The following LARS1 variants were observed in gnomAD, a reference collection of about 807,000 sequenced individuals.
The protein encoded by LARS1 is leucine--tRNA ligase, cytoplasmic.
A neutral mutation model predicts 162.8 loss-of-function variants in LARS1; 100 were observed. The observed-to-expected ratio is 0.61, with a 90% CI of 0.52 to 0.73. LARS1 has a LOEUF of 0.73. Among genes scored for constraint, LARS1 ranks in the 30% least tolerant of loss-of-function variants. LARS1 has a pLI of 0.00. For synonymous variants in LARS1, 457 were observed against 462.8 expected (o/e 0.99, Z 0.16); for missense variants, 1,258 against 1,408.9 (o/e 0.89, Z 1.71).
intron 5 of LARS1, among the ~76,000 whole-genome samples, chr5:146,166,012 A>G (rs988505580): frequency 2.0e-5 from 3 of 152,218 alleles, no homozygotes; most frequent in African/African-American, 4.8e-5. Flanking sequence ...ATAAAGAAAT[A>G]AAAACAGATG....
chr5:146,147,572 A>G (rs879149363), intron 15 of LARS1, among the ~76,000 whole-genome samples: 1 of 152,184 alleles, frequency 6.6e-6, no homozygotes, highest in Non-Finnish European at 1.5e-5. Context: ...GTTCTTATAA[A>G]TTTGTATTCA....
At chr5:146,153,506 T>C (rs1753384943) in intron 12 of LARS1, among the ~76,000 whole-genome samples, 1 of 152,212 alleles carries the variant, frequency 6.6e-6, no homozygotes, top group Admixed American at 6.5e-5. Context: ...TTGAGGTTCA[T>C]ATGCCAGATT....
chr5:146,115,108 C>T (rs1389193465), intron 31 of LARS1, among the ~76,000 whole-genome samples: 1 of 151,030 alleles, frequency 6.6e-6, no homozygotes, highest in Admixed American at 6.6e-5. Context: ...AATCTTCATC[C>T]CCTTTCAGCT....
In LARS1 at chr5:146,133,034, T is replaced by G. The variant is rs1289355495; in HGVS notation, c.2260A>C (p.Asn754His). ...GCATCTGCCATGGCTTCCACAAAGTTGGCATCTTCTACAGTGTCACCAGCA... is the reference window on the plus strand; with the variant it reads ...GCATCTGCCATGGCTTCCACAAAGTGGGCATCTTCTACAGTGTCACCAGCA... ...ADAGDTVEDA[N>H]FVEAMADAGI... Residue 754 changes from asparagine to histidine, a missense_variant, in exon 23 of 32, where the codon AAC (asparagine) becomes CAC (histidine). Physicochemically the swap from Asn to His is moderately conservative, Grantham distance 68. Transcript: ENST00000394434. 6.2e-7 allele frequency: 1 copy of G among 1,614,016 alleles called. No individual in the cohort carries two copies.
At chr5:146,172,139 T>C in intron 3 of LARS1, 149 bp from the exon 4 acceptor site, 1 of 672,500 alleles carries the variant, frequency 1.5e-6, no homozygotes, top group East Asian at 2.8e-5. Context: ...CTCACCAACC[T>C]AGGAATTACT....
chr5:146,174,685 C>A (rs1042886792), intron 2 of LARS1, among the ~76,000 whole-genome samples: 1 of 150,208 alleles, frequency 6.7e-6, no homozygotes. Context: ...CAGGCCCAGT[C>A]AATTCCCAGT....
At chr5:146,173,950 T>C (rs752673872) in intron 2 of LARS1, among the ~76,000 whole-genome samples, 8 of 152,104 alleles carry the variant, frequency 5.3e-5, no homozygotes, top group Non-Finnish European at 1.0e-4. Flanking sequence ...CTTGACATTA[T>C]ATTACTTTCT....
At chr5:146,129,144 AC>A in intron 25 of LARS1, 26 bp from the exon 26 acceptor site, 1 of 1,552,992 alleles carries the variant, frequency 6.4e-7, no homozygotes, top group Non-Finnish European at 8.7e-7. Context: ...AAACAAAAAA[AC>A]CTTCAGTGAG....
chr5:146,131,095 C>T lies in LARS1; in HGVS notation c.2411G>A (p.Gly804Glu). The change falls in exon 24 of 32, where the codon GGA becomes GAA. Residue 804 changes from glycine to glutamate, a missense_variant. Transcript: ENST00000394434. The stretch of plus-strand genomic sequence containing the variant: ...ATAGTTTTGATCTGTTTTTATAATT[C>T]CTGCATTCAATTCACTATTGAATAC... ...DRVFASELNAGIIKTDQNYEK... is the reference protein window; with the variant it reads ...DRVFASELNAEIIKTDQNYEK... 6.4e-7 allele frequency: 1 copy of T among 1,562,980 alleles called. No homozygotes were observed. Among genetic ancestry groups the T allele is most frequent in the South Asian group, 1.1e-5 (1 of 86,960 alleles).
At chr5:146,155,671 G>C (rs1231320793) in intron 10 of LARS1, among the ~76,000 whole-genome samples, 7 of 152,060 alleles carry the variant, frequency 4.6e-5, no homozygotes, top group Admixed American at 4.6e-4. Context: ...AGAATTTGCA[G>C]TCATATGGAT....
chr5:146,128,731 C>T lies in LARS1; in HGVS notation c.2821G>A (p.Ala941Thr). ...QKPSHCTIYVAKNYPPWQHTT... is the reference protein window; with the variant it reads ...QKPSHCTIYVTKNYPPWQHTT... ...TGTTGCCAAGGTGGATAGTTCTTTGCCACATAGATGGTGCAATGTGAGGGC... is the reference window on the plus strand; with the variant it reads ...TGTTGCCAAGGTGGATAGTTCTTTGTCACATAGATGGTGCAATGTGAGGGC... Residue 941 changes from alanine (A) to threonine (T), a missense_variant, in exon 27 of 32, where the codon GCA becomes ACA. By Grantham distance (58) the Ala-to-Thr change is moderately conservative. Coordinates refer to ENST00000394434, the MANE Select transcript of LARS1 (RefSeq NM_020117.11). 1 of 1,600,348 alleles carries T rather than the reference C, an allele frequency of 6.2e-7. No homozygotes were observed. Among genetic ancestry groups the T allele is most frequent in the South Asian group, 1.1e-5 (1 of 88,386 alleles).
Position 146,140,251 on chromosome 5 carries a change from G to A in LARS1, c.2101C>T (p.Pro701Ser), listed in dbSNP as rs758103692. ...AMWPEQSDKWPTAVRANGHLL... is the reference protein window; with the variant it reads ...AMWPEQSDKWSTAVRANGHLL... ...TGTCCATTTGCTCTCACAGCTGTAG[G>A]CCATTTGTCACTTCACAGATAAATG... is the stretch of plus-strand genomic sequence containing the variant. Residue 701 changes from proline (P) to serine (S), a missense_variant, in exon 21 of 32, where the codon CCT becomes TCT. Transcript: ENST00000394434. 1 of 1,608,488 alleles carries A rather than the reference G, an allele frequency of 6.2e-7. No homozygotes were observed. The highest frequency in any genetic ancestry group is 8.5e-7 in the Non-Finnish European group (1 of 1,174,842).
At chr5:146,125,927 T>C (rs1480370364) in intron 28 of LARS1, among the ~76,000 whole-genome samples, 2 of 151,986 alleles carry the variant, frequency 1.3e-5, no homozygotes, top group Non-Finnish European at 1.5e-5. Context: ...GTAGTTCTAC[T>C]GGCTTCTAAT....
At chr5:146,161,526 C>T (rs538146099) in intron 6 of LARS1, among the ~76,000 whole-genome samples, 12 of 151,974 alleles carry the variant, frequency 7.9e-5, no homozygotes, top group African/African-American at 2.2e-4. Flanking sequence ...GTCGGGAGTT[C>T]GAGACCAGCC....
intron 15 of LARS1, among the ~76,000 whole-genome samples, chr5:146,147,667 C>A (rs1753074842): frequency 6.6e-6 from 1 of 151,794 alleles, no homozygotes; most frequent in African/African-American, 2.4e-5. Flanking sequence ...ACAAAGAGGA[C>A]CAACAGGACT....
rs946586807 is a variant in LARS1, at chr5:146,157,663, T to G, written c.840-35A>C. On this transcript the variant is annotated intron_variant, in intron 9 of 31. Coordinates refer to ENST00000394434, the MANE Select transcript of LARS1 (RefSeq NM_020117.11). ...AAAAACAAATATTGATGTAAAAACA[T>G]GTCAACTCTGTAACAACTATCTGAT... The G allele has an allele frequency of 4.3e-6, 7 of 1,612,824 alleles. No individual in the cohort carries two copies. The East Asian group carries it at 1.6e-4, about 36-fold the overall frequency.
intron 19 of LARS1, 125 bp downstream of exon 19, chr5:146,143,287 A>T: frequency 7.5e-7 from 1 of 1,332,566 alleles, no homozygotes; most frequent in Non-Finnish European, 1.0e-6. Context: ...GTTCAATAGT[A>T]AAAAAGCAAA....
chr5:146,159,127 C>A (rs1490253269), intron 8 of LARS1, among the ~76,000 whole-genome samples: 1 of 151,656 alleles, frequency 6.6e-6, no homozygotes, highest in Non-Finnish European at 1.5e-5. Flanking sequence ...CTGGGCCCCA[C>A]CCCCAGAACT....
intron 31 of LARS1, among the ~76,000 whole-genome samples, chr5:146,116,852 T>C (rs918881806): frequency 3.3e-5 from 5 of 152,206 alleles, no homozygotes; most frequent in Non-Finnish European, 7.3e-5. Context: ...CTGGCACTAA[T>C]TGGACAATTT....
Sources: allele counts gnomAD v4.1 joint callset (sites outside exome capture counted in the v4.1 genomes callset), GRCh38; gene constraint gnomAD v4.1.1; transcripts MANE v1.5; gene names NCBI Gene and HGNC (gene_info 2026-07-23, HGNC 2026-07-21).